TMEM130: variants seen among roughly 807,000 people sequenced by gnomAD.
The protein encoded by TMEM130 is transmembrane protein 130.
In TMEM130, 37 loss-of-function variants were observed where a neutral mutation model predicts 42.9. The ratio of observed to expected loss-of-function variants is 0.86; its 90% confidence interval spans 0.66 to 1.13. The LOEUF (loss-of-function observed/expected upper bound fraction) is 1.13, where lower values mean the gene tolerates loss of function less well. Ranked by LOEUF, TMEM130 falls within the 50% of genes most tolerant of loss-of-function variation. TMEM130 has a pLI of 0.00. For missense variants in TMEM130, 545 were observed against 562.6 expected, an observed-to-expected ratio of 0.97 and a Z score of 0.32; for synonymous variants, 259 against 237.7, an observed-to-expected ratio of 1.09 and a Z score of -0.82.
intron 4 of TMEM130, 121 bp from the exon 5 acceptor site, chr7:98,855,445 C>T: frequency 1.1e-6 from 1 of 878,464 alleles, no homozygotes; most frequent in Non-Finnish European, 1.7e-6. Flanking sequence ...TAAGAGCAGG[C>T]CACAGGTCTG....
Position 98,847,880 on chromosome 7 carries a change from G to A in TMEM130, c.*176C>T. 1.6e-6 allele frequency: 1 copy of A among 617,880 alleles called. No homozygotes were observed. Among genetic ancestry groups the A allele is most frequent in the Non-Finnish European group, 2.8e-6 (1 of 352,048 alleles). The allele number at this position is 617,880 out of a possible 1,614,324, so 38.3% of individuals were successfully genotyped here. On this transcript the variant is annotated 3_prime_UTR_variant, in exon 8 of 8. Transcript: ENST00000339375. ...ACAGATGGGTGAATGGCTGGGGTCA[G>A]GGGTGACAGAGAGGGAGGGGCTTGT...
At chr7:98,848,506 C>T in intron 7 of TMEM130, 77 bp downstream of exon 7, 1 of 1,094,092 alleles carries the variant, frequency 9.1e-7, no homozygotes, top group Non-Finnish European at 1.4e-6. Flanking sequence ...GCATCCTGGC[C>T]TGGCCCCCAT....
In TMEM130 at chr7:98,856,202, G is replaced by A. The variant is rs1554398997; in HGVS notation, c.552-19C>T. On this transcript the variant is annotated intron_variant, in intron 3 of 7. Transcript: ENST00000339375. ...CTGGGTCCTGTTAGGAGACAGGGAGGAGAGAGGAGGAAGACAGCAGACGGT... is the reference window on the plus strand; with the variant it reads ...CTGGGTCCTGTTAGGAGACAGGGAGAAGAGAGGAGGAAGACAGCAGACGGT... The A allele has an allele frequency of 6.2e-7, 1 of 1,611,058 alleles. No homozygotes were observed. The highest frequency in any genetic ancestry group is 2.2e-5 in the East Asian group (1 of 44,848).
chr7:98,848,746 G>A (rs1554397784), intron 6 of TMEM130, 51 bp from the exon 7 acceptor site: 1 of 1,263,404 alleles, frequency 7.9e-7, no homozygotes, highest in Non-Finnish European at 1.2e-6. Context: ...GTACTACAGT[G>A]CTGGTTCTCA....
intron 1 of TMEM130, among the ~76,000 whole-genome samples, chr7:98,863,967 G>T (rs990729670): frequency 1.3e-5 from 2 of 149,604 alleles, no homozygotes; most frequent in African/African-American, 4.9e-5. Flanking sequence ...ATCACAGTTC[G>T]CTGCAGCCTC....
At position 98,847,666 on chromosome 7, in the gene TMEM130, G is replaced by A. The variant is rs1381974832; in HGVS notation, c.*390C>T. The A allele has an allele frequency of 1.2e-5, 2 of 168,166 alleles. No homozygotes were observed. Among genetic ancestry groups the A allele is most frequent in the Admixed American group, 6.2e-5 (1 of 16,064 alleles). 10.4% of individuals were successfully genotyped at this position (168,166 alleles called of 1,614,324 possible). A position where few individuals can be genotyped will look rare whatever the true frequency, so the allele number is the denominator to read the frequency against. On this transcript the variant is annotated 3_prime_UTR_variant, in exon 8 of 8. Coordinates refer to ENST00000339375, the MANE Select transcript of TMEM130 (RefSeq NM_152913.3). ...TCTGGCACAGGTAGGGCTGTCTGGG[G>A]GAGGAAACTGAGAACCCCCAATGGA...
intron 6 of TMEM130, 118 bp from the exon 7 acceptor site, chr7:98,848,813 C>A: frequency 1.3e-6 from 1 of 745,838 alleles, no homozygotes. Context: ...TTTTTTTTAC[C>A]CTCATGTACA....
At position 98,853,394 on chromosome 7, in the gene TMEM130, G is replaced by A. The variant is rs11772831; in HGVS notation, c.804-1771C>T. 6.2e-3 allele frequency among the ~76,000 whole-genome samples: 941 copies of A among 152,250 alleles called. 10 individuals carry two copies. Among genetic ancestry groups the A allele is most frequent in the Middle Eastern group, 0.02 (6 of 294 alleles). Reference sequence around the variant, plus strand: ...TGTAATACCAGCACTTTGGGAGGCCGAGGTGGGTGGATCACTTGAGGTCAG... The same window carrying A: ...TGTAATACCAGCACTTTGGGAGGCCAAGGTGGGTGGATCACTTGAGGTCAG... On this transcript the variant is annotated intron_variant, in intron 5 of 7. Transcript: ENST00000339375.
At chr7:98,855,906 G>T in intron 4 of TMEM130, 111 bp downstream of exon 4, 1 of 1,283,646 alleles carries the variant, frequency 7.8e-7, no homozygotes, top group Non-Finnish European at 1.1e-6. Flanking sequence ...TCAGAGGTCT[G>T]TGGGGCTCCA....
intron 5 of TMEM130, among the ~76,000 whole-genome samples, 170 bp from the exon 6 acceptor site, chr7:98,851,793 G>A (rs1794513211): frequency 6.6e-6 from 1 of 152,118 alleles, no homozygotes; most frequent in Non-Finnish European, 1.5e-5. Context: ...ACACTATGGT[G>A]CAAAAGAGAT....
chr7:98,859,678 C>T (rs1166898977), intron 3 of TMEM130, among the ~76,000 whole-genome samples: 3 of 151,828 alleles, frequency 2.0e-5, no homozygotes, highest in African/African-American at 7.2e-5. Context: ...AGTTCAAGAC[C>T]AGCCTGGCCA....
In TMEM130 at chr7:98,856,033, G is replaced by T. The variant is rs782271531; in HGVS notation, c.702C>A (p.Ala234=). ...GACACCCACCCTGCAGCTTCAGCGA[G>T]GCGGAGAAGTCCCCGGTCTTCTGCT... ...AVKQKTGDFS[A]SLKLQETLRG... Residue 234 remains alanine, a synonymous_variant, in exon 4 of 8, where the codon GCC becomes GCA. Coordinates refer to ENST00000339375, the MANE Select transcript of TMEM130 (RefSeq NM_152913.3). 2.5e-5 allele frequency: 40 copies of T among 1,613,130 alleles called. No homozygotes were observed. Among genetic ancestry groups the T allele is most frequent in the Non-Finnish European group, 3.4e-5 (40 of 1,180,042 alleles).
intron 5 of TMEM130, among the ~76,000 whole-genome samples, chr7:98,854,807 G>A (rs1047669052): frequency 2.4e-4 from 36 of 152,154 alleles, no homozygotes; most frequent in African/African-American, 4.8e-4. Context: ...AGGCCAAGGC[G>A]GATGGATCAC....
At chr7:98,867,595 G>A (rs1554400787) in intron 1 of TMEM130, among the ~76,000 whole-genome samples, 1 of 152,152 alleles carries the variant, frequency 6.6e-6, no homozygotes, top group East Asian at 1.9e-4. Flanking sequence ...TTATCACGCA[G>A]ATCGGTTGCC....
At chr7:98,860,405 C>T (rs1794744135) in intron 2 of TMEM130, 67 bp from the exon 3 acceptor site, 7 of 1,470,682 alleles carry the variant, frequency 4.8e-6, no homozygotes, top group East Asian at 2.4e-5. Context: ...CAGGTAGAGA[C>T]TTCATGGGCA....
chr7:98,851,327 G>A, intron 6 of TMEM130, 94 bp downstream of exon 6: 1 of 1,320,090 alleles, frequency 7.6e-7, no homozygotes, highest in Non-Finnish European at 1.1e-6. Flanking sequence ...ACCTTGGTAA[G>A]GCTGGCTGGT....
intron 2 of TMEM130, among the ~76,000 whole-genome samples, chr7:98,862,662 A>C (rs1794809100): frequency 6.6e-6 from 1 of 151,682 alleles, no homozygotes; most frequent in African/African-American, 2.4e-5. Flanking sequence ...CCATGCCCCC[A>C]CTAATTTTTG....
chr7:98,866,490 C>T (rs1794910790), intron 1 of TMEM130: 2 of 152,308 alleles, frequency 1.3e-5, no homozygotes, highest in African/African-American at 2.4e-5. Flanking sequence ...ATGTCCCTGC[C>T]TCGTCCTCCC....
At position 98,851,548 on chromosome 7, in the gene TMEM130, G is replaced by A. The variant is rs781823887; in HGVS notation, c.879C>T (p.Ser293=). 100 of 1,613,930 alleles carry A rather than the reference G, an allele frequency of 6.2e-5. No individual in the cohort carries two copies. The highest frequency in any genetic ancestry group is 1.6e-4 in the Middle Eastern group (1 of 6,084). ...TCAGGTTGTACGCTGTGCTGGCCAC[G>A]GACACAGGGTGGCACTCCCCTTCCT... ...PLEEGECHPV[S]VASTAYNLTH... The change falls in exon 6 of 8, where the codon TCC becomes TCT. Residue 293 remains serine, a synonymous_variant. Transcript: ENST00000339375.
Sources: allele counts gnomAD v4.1 joint callset (sites outside exome capture counted in the v4.1 genomes callset), GRCh38; gene constraint gnomAD v4.1.1; transcripts MANE v1.5; gene names NCBI Gene and HGNC (gene_info 2026-07-23, HGNC 2026-07-21).